DOCK1: variants seen among roughly 807,000 people sequenced by gnomAD.
The protein encoded by DOCK1 is dedicator of cytokinesis 1, also known as dedicator of cytokinesis protein 1.
A neutral mutation model predicts 262.7 loss-of-function variants in DOCK1; 138 were observed. The ratio of observed to expected loss-of-function variants is 0.53; its 90% CI spans 0.46 to 0.61. DOCK1 has a LOEUF of 0.61. Among genes scored for constraint, DOCK1 ranks in the 20% least tolerant of loss-of-function variants. The pLI is 0.00. For missense variants in DOCK1, 1,908 were observed against 2,370.7 expected (o/e 0.80, Z 4.05); for synonymous variants, 866 against 867.4 (o/e 1.00, Z 0.03).
intron 27 of DOCK1, among the ~76,000 whole-genome samples, chr10:127,205,603 C>T (rs2057682015): frequency 1.3e-5 from 2 of 152,196 alleles, no homozygotes; most frequent in African/African-American, 2.4e-5. Context: ...CTCTTCCATA[C>T]GTTAGGCCTG....
intron 49 of DOCK1, among the ~76,000 whole-genome samples, chr10:127,442,042 C>T (rs1373169054): frequency 6.6e-6 from 1 of 152,192 alleles, no homozygotes; most frequent in Admixed American, 6.5e-5. Context: ...TTCCTGACTT[C>T]CCACAGCAGT....
At chr10:127,318,869 A>G (rs1235116178) in intron 29 of DOCK1, among the ~76,000 whole-genome samples, 1 of 152,178 alleles carries the variant, frequency 6.6e-6, no homozygotes, top group African/African-American at 2.4e-5. Context: ...CAGTTTAACA[A>G]GGGGCCAGAG....
chr10:127,181,804 T>C (rs1343763127), intron 27 of DOCK1, among the ~76,000 whole-genome samples: 1 of 152,196 alleles, frequency 6.6e-6, no homozygotes, highest in Non-Finnish European at 1.5e-5. Flanking sequence ...ACTCACATTG[T>C]GAAATAGTTA....
intron 43 of DOCK1, among the ~76,000 whole-genome samples, chr10:127,414,836 C>G (rs2068065520): frequency 6.6e-6 from 1 of 152,206 alleles, no homozygotes; most frequent in Non-Finnish European, 1.5e-5. Context: ...TCAAGAGGGG[C>G]TCCCCATACC....
intron 36 of DOCK1, 101 bp from the exon 37 acceptor site, chr10:127,381,177 T>A: frequency 1.1e-6 from 1 of 934,598 alleles, no homozygotes; most frequent in South Asian, 2.9e-5. Flanking sequence ...AAAGGAAGTG[T>A]AGCCATGATT....
At chr10:127,075,379 C>A (rs1400528639) in intron 23 of DOCK1, among the ~76,000 whole-genome samples, 1 of 151,956 alleles carries the variant, frequency 6.6e-6, no homozygotes, top group Non-Finnish European at 1.5e-5. Flanking sequence ...TCAAGTGACC[C>A]TTCCGCCTCA....
In DOCK1 at chr10:127,410,834, G is replaced by C. The variant is rs756057247; in HGVS notation, c.4344-6G>C. 15 of 1,613,374 alleles carry C rather than the reference G, an allele frequency of 9.3e-6. No individual in the cohort carries two copies. The highest frequency in any genetic ancestry group is 1.3e-5 in the African/African-American group (1 of 74,910). ...AATATCTAATGATCTGTCTGTCTCT[G>C]TACAGTTTTTACAGGGTGAACGAGG... On this transcript the variant is annotated splice_region_variant and splice_polypyrimidine_tract_variant and intron_variant, in intron 42 of 51. Coordinates refer to ENST00000623213, the MANE Select transcript of DOCK1 (RefSeq NM_001290223.2).
intron 27 of DOCK1, among the ~76,000 whole-genome samples, chr10:127,205,545 A>C (rs1254717929): frequency 6.6e-6 from 1 of 152,224 alleles, no homozygotes; most frequent in East Asian, 1.9e-4. Flanking sequence ...AAGTGGATGG[A>C]GGCAGGTGGC....
At position 127,228,321 on chromosome 10, in the gene DOCK1, G is replaced by C. The variant is rs115816670; in HGVS notation, c.2848-19687G>C. On this transcript the variant is annotated intron_variant, in intron 27 of 51. Coordinates refer to ENST00000623213, the MANE Select transcript of DOCK1 (RefSeq NM_001290223.2). ...GTGCTCTTGCTAAATTCTCCAGAAC[G>C]TGTATGTGCGTCACCCCCACGCTGC... 8.0e-3 allele frequency among the ~76,000 whole-genome samples: 1,212 copies of C among 152,264 alleles called. 7 individuals are homozygous for C. The highest frequency in any genetic ancestry group is 0.018 in the African/African-American group (752 of 41,554).
chr10:127,210,795 C>G (rs143869111), intron 27 of DOCK1, among the ~76,000 whole-genome samples: 1 of 152,280 alleles, frequency 6.6e-6, no homozygotes, highest in Non-Finnish European at 1.5e-5. Flanking sequence ...TGCAGATCCT[C>G]TCCCTCCGCT....
At chr10:127,067,319 A>T (rs2045935470) in intron 23 of DOCK1, among the ~76,000 whole-genome samples, 1 of 152,128 alleles carries the variant, frequency 6.6e-6, no homozygotes, top group African/African-American at 2.4e-5. Context: ...CATTGACATC[A>T]TTTCAAGTCC....
intron 25 of DOCK1, among the ~76,000 whole-genome samples, chr10:127,111,473 A>T (rs1307797358): frequency 6.6e-6 from 1 of 152,196 alleles, no homozygotes; most frequent in African/African-American, 2.4e-5. Flanking sequence ...CTCAAAGCAC[A>T]TGACGCTCCA....
chr10:127,261,355 T>C (rs1278217143), intron 29 of DOCK1, among the ~76,000 whole-genome samples: 36 of 104,418 alleles, frequency 3.4e-4, no homozygotes, highest in Non-Finnish European at 6.0e-4. Context: ...GTACCCGTGC[T>C]CATCTGTGTG....
Position 127,081,743 on chromosome 10 carries a change from AAT to A in DOCK1, c.2445+19969_2445+19970del, listed in dbSNP as rs72242555. On this transcript the variant is annotated intron_variant, in intron 23 of 51. Coordinates refer to ENST00000623213, the MANE Select transcript of DOCK1 (RefSeq NM_001290223.2). ...TATTTCTTCTGTCTTGCCGTGGACA[AAT>A]AGAATCGTGGCCCTTACGAGTTCTT... is the stretch of plus-strand genomic sequence containing the variant. 6.7e-3 allele frequency among the ~76,000 whole-genome samples: 1,020 copies of A among 152,302 alleles called. 6 individuals carry two copies. Among genetic ancestry groups the A allele is most frequent in the Admixed American group, 0.012 (180 of 15,304 alleles).
At chr10:127,373,994 T>C (rs1340365259) in intron 34 of DOCK1, 64 bp from the exon 35 acceptor site, 1 of 1,544,320 alleles carries the variant, frequency 6.5e-7, no homozygotes, top group Non-Finnish European at 8.7e-7. Context: ...ATAGTTAAAA[T>C]TGCACCTCTG....
At chr10:127,041,560 T>C (rs770000697) in intron 19 of DOCK1, among the ~76,000 whole-genome samples, 27 of 152,234 alleles carry the variant, frequency 1.8e-4, no homozygotes, top group Non-Finnish European at 3.2e-4. Context: ...GTTTCCTTTC[T>C]TTTGGAGAGA....
At chr10:127,312,484 A>G (rs905393963) in intron 29 of DOCK1, among the ~76,000 whole-genome samples, 3 of 152,162 alleles carry the variant, frequency 2.0e-5, no homozygotes, top group East Asian at 3.9e-4. Context: ...GGAAAGCCCA[A>G]TGAATTGGGA....
intron 38 of DOCK1, among the ~76,000 whole-genome samples, chr10:127,397,513 G>C (rs2066961487): frequency 6.6e-6 from 1 of 150,708 alleles, no homozygotes; most frequent in Non-Finnish European, 1.5e-5. Flanking sequence ...TGTGATCTGA[G>C]CATGAGTTAC....
At chr10:127,214,146 C>CT (rs1324637760) in intron 27 of DOCK1, among the ~76,000 whole-genome samples, 2 of 152,250 alleles carry the variant, frequency 1.3e-5, no homozygotes, top group Admixed American at 1.3e-4. Context: ...TGCACCCGAC[C>CT]TTTTTTTCAC....
Sources: gnomAD v4.1 joint callset for allele counts (sites outside exome capture counted in the v4.1 genomes callset) on GRCh38, gnomAD v4.1.1 for gene constraint, MANE v1.5 for transcripts, NCBI Gene and HGNC (gene_info 2026-07-23, HGNC 2026-07-21) for gene names.